MADD: variants seen among roughly 807,000 people sequenced by gnomAD.
The protein encoded by MADD is MAP kinase activating death domain.
MADD carries 109 observed loss-of-function variants against 176.7 expected under a neutral mutation model. The ratio of observed to expected loss-of-function variants is 0.62; its 90% CI spans 0.53 to 0.72. The LOEUF (loss-of-function observed/expected upper bound fraction) is 0.72. Ranked by LOEUF, MADD falls within the 30% of genes least tolerant of loss-of-function variation. MADD has a pLI of 0.00. For missense variants in MADD, 1,914 were observed against 2,045.5 expected, an observed-to-expected ratio of 0.94 and a Z score of 1.24; for synonymous variants, 771 against 771.3, an observed-to-expected ratio of 1.00 and a Z score of 0.01.
At position 47,285,553 on chromosome 11, in the gene MADD, C is replaced by G. The variant is rs1332294645; in HGVS notation, c.2514C>G (p.Thr838=). Residue 838 remains threonine (T), a synonymous_variant, in exon 14 of 33, where the codon ACC becomes ACG. Coordinates refer to ENST00000402192, the Ensembl canonical transcript of MADD. ...CTCCCAACTCCACCGTCTCCAACAC[C>G]AGCACCGAGGGCTTCGGGGGCATCA... 10 of 1,614,082 alleles carry G rather than the reference C, an allele frequency of 6.2e-6. No individual in the cohort carries two copies. In the Admixed American group the frequency reaches 1.7e-4, roughly 27 times the overall value.
At chr11:47,287,277 G>A (rs774913834) in intron 15 of MADD, among the ~76,000 whole-genome samples, 104 of 152,274 alleles carry the variant, frequency 6.8e-4, no homozygotes, top group African/African-American at 1.9e-3. Context: ...AGCCGAGGTC[G>A]CGCCACTGCA....
At chr11:47,315,100 C>G (rs2092335723) in intron 26 of MADD, 120 bp from the exon 30 acceptor site, 1 of 546,392 alleles carries the variant, frequency 1.8e-6, no homozygotes, top group African/African-American at 1.9e-5. Flanking sequence ...GACCAGTGGC[C>G]AGCAGATGAG....
At chr11:47,292,460 G>T (rs2066150215) in intron 19 of MADD, 83 bp from the exon 21 acceptor site, 1 of 1,222,014 alleles carries the variant, frequency 8.2e-7, no homozygotes, top group Non-Finnish European at 1.2e-6. Flanking sequence ...GAATCGACTT[G>T]GGTGGGTGGG....
chr11:47,283,995 A>G (rs1217506364), intron 10 of MADD, among the ~76,000 whole-genome samples, 183 bp from the exon 11 acceptor site: 1 of 152,246 alleles, frequency 6.6e-6, no homozygotes, highest in Admixed American at 6.5e-5. Context: ...GGCATGGGCC[A>G]CTGTCCCGGC....
intron 27 of MADD, among the ~76,000 whole-genome samples, chr11:47,317,612 G>A (rs1013756516): frequency 6.6e-6 from 1 of 152,032 alleles, no homozygotes; most frequent in Non-Finnish European, 1.5e-5. Flanking sequence ...CTTAATGAGT[G>A]GTGCTATACG....
chr11:47,303,317 C>A (rs2079580161), intron 22 of MADD, among the ~76,000 whole-genome samples: 1 of 146,386 alleles, frequency 6.8e-6, no homozygotes, highest in Non-Finnish European at 1.5e-5. Flanking sequence ...TCTCGGCTCA[C>A]TGCAAGCTCC....
At chr11:47,323,674 T>G in exon 28 of MADD, 1 of 1,612,912 alleles carries the variant, frequency 6.2e-7, no homozygotes, top group African/African-American at 1.3e-5. Flanking sequence ...TCTCCAGGTG[T>G]GCGATGACTG....
intron 19 of MADD, 88 bp from the exon 21 acceptor site, chr11:47,292,455 G>A (rs1435912252): frequency 2.1e-5 from 25 of 1,178,436 alleles, no homozygotes; most frequent in Non-Finnish European, 2.5e-5. Flanking sequence ...AGACTGAATC[G>A]ACTTGGGTGG....
intron 6 of MADD, 38 bp downstream of exon 6, chr11:47,278,316 A>AG (rs1591858972): frequency 2.8e-6 from 4 of 1,431,846 alleles, no homozygotes; most frequent in Non-Finnish European, 3.9e-6. Context: ...AGTCTAGAGG[A>AG]GGATTGCATT....
intron 7 of MADD, among the ~76,000 whole-genome samples, chr11:47,279,808 C>T (rs558624419): frequency 1.3e-5 from 2 of 152,100 alleles, no homozygotes; most frequent in South Asian, 4.2e-4. Context: ...CACGGTGCCT[C>T]ATGCCTGTAA....
At chr11:47,275,010 C>T in exon 3 of MADD, 1 of 1,614,280 alleles carries the variant, frequency 6.2e-7, no homozygotes, top group East Asian at 2.2e-5. Flanking sequence ...GCCGCTCCCG[C>T]AACAGTACTC....
chr11:47,328,735 C>T lies in MADD; in HGVS notation c.4659+31C>T, dbSNP rs2305281. Reference sequence around the variant, plus strand: ...TGTGCCGCTCAACCCTGATGGGCCACGGTGCGCAGGGCTCCCTGGGGGACC... The same window carrying T: ...TGTGCCGCTCAACCCTGATGGGCCATGGTGCGCAGGGCTCCCTGGGGGACC... On this transcript the variant is annotated intron_variant, in intron 32 of 32. Coordinates refer to ENST00000402192, the Ensembl canonical transcript of MADD. 7.6e-4 allele frequency: 1,223 copies of T among 1,613,818 alleles called. 21 individuals are homozygous for T. The South Asian group carries it at 0.011, about 15-fold the overall frequency.
chr11:47,292,151 A>G (rs1010374671), intron 19 of MADD, among the ~76,000 whole-genome samples: 5 of 152,252 alleles, frequency 3.3e-5, no homozygotes, highest in Middle Eastern at 3.4e-3. Context: ...TCCCCAGCTC[A>G]TTTGGTAGAG....
At chr11:47,276,594 G>A (rs539078164) in intron 4 of MADD, 138 bp from the exon 5 acceptor site, 2 of 966,514 alleles carry the variant, frequency 2.1e-6, no homozygotes, top group Admixed American at 4.5e-5. Flanking sequence ...AGGCATGGTG[G>A]GGCAGGGGGC....
At chr11:47,314,340 G>T (rs915215157) in intron 26 of MADD, among the ~76,000 whole-genome samples, 1 of 152,156 alleles carries the variant, frequency 6.6e-6, no homozygotes, top group African/African-American at 2.4e-5. Context: ...CTCCCAAAGT[G>T]TTGGGATTAT....
At chr11:47,313,625 C>G (rs1389129610) in intron 26 of MADD, among the ~76,000 whole-genome samples, 3 of 152,050 alleles carry the variant, frequency 2.0e-5, no homozygotes, top group Non-Finnish European at 4.4e-5. Flanking sequence ...ACAGTATTTT[C>G]TAAATACCAA....
intron 28 of MADD, chr11:47,324,057 C>T (rs1364366142): frequency 3.1e-6 from 2 of 642,238 alleles, no homozygotes; most frequent in Non-Finnish European, 5.5e-6. Flanking sequence ...CACATCTGTA[C>T]CCATGCCTTC....
chr11:47,276,907 T>C, intron 5 of MADD, 44 bp downstream of exon 5: 1 of 1,607,244 alleles, frequency 6.2e-7, no homozygotes, highest in Non-Finnish European at 8.5e-7. Context: ...TCTGTCTTCC[T>C]GAGGGAGGAG....
In MADD at chr11:47,282,798, T is replaced by A. The variant is rs754933627; in HGVS notation, c.1706-15T>A. On this transcript the variant is annotated splice_polypyrimidine_tract_variant and intron_variant, in intron 9 of 32. Transcript: ENST00000402192. ...CCTTGCTGCTGACTTTCTGTTCTTT[T>A]CCCTCATGGGGTAGATATGTTTGAT... 12 of 1,609,610 alleles carry A rather than the reference T, an allele frequency of 7.5e-6. No homozygotes were observed. Among genetic ancestry groups the A allele is most frequent in the Non-Finnish European group, 8.5e-6 (10 of 1,176,680 alleles).
Sources: allele counts gnomAD v4.1 joint callset (sites outside exome capture counted in the v4.1 genomes callset), GRCh38; gene constraint gnomAD v4.1.1; transcripts MANE v1.5; gene names NCBI Gene and HGNC (gene_info 2026-07-23, HGNC 2026-07-21).